The following SCAI variants were observed in gnomAD, a reference collection of about 807,000 sequenced individuals.
The protein encoded by SCAI is protein SCAI.
SCAI carries 24 observed loss-of-function variants against 92.2 expected under a neutral mutation model. The observed-to-expected ratio is 0.26, with a 90% CI of 0.19 to 0.37. The LOEUF is 0.37. SCAI is among the 10% of genes least tolerant of loss of function. SCAI has a pLI of 1.00. For synonymous variants in SCAI, 261 were observed against 258.6 expected (o/e 1.01, Z -0.09); for missense variants, 450 against 736.2 (o/e 0.61, Z 4.50).
chr9:125,136,456 CTT>C (rs1167871254), intron 2 of SCAI, among the ~76,000 whole-genome samples: 4 of 95,226 alleles, frequency 4.2e-5, no homozygotes, highest in African/African-American at 8.1e-5. Flanking sequence ...TAATACCTTT[CTT>C]TTTTTTTTTT....
At chr9:124,968,762 G>A in intron 17 of SCAI, 2 of 1,036,978 alleles carry the variant, frequency 1.9e-6, no homozygotes, top group East Asian at 2.4e-5. Context: ...GGTTCAAACT[G>A]GCATGGTGGG....
chr9:124,988,562 C>CTA (rs1419408954), intron 14 of SCAI, among the ~76,000 whole-genome samples: 4 of 151,704 alleles, frequency 2.6e-5, no homozygotes, highest in Non-Finnish European at 4.4e-5. Flanking sequence ...GCATCTATTT[C>CTA]TATATATATG....
intron 9 of SCAI, among the ~76,000 whole-genome samples, chr9:125,009,749 C>T (rs564616599): frequency 6.6e-6 from 1 of 151,520 alleles, no homozygotes; most frequent in Non-Finnish European, 1.5e-5. Flanking sequence ...ATTAGCTGGG[C>T]CACTGTGATG....
intron 2 of SCAI, among the ~76,000 whole-genome samples, chr9:125,096,884 G>A (rs536054514): frequency 6.6e-6 from 1 of 152,232 alleles, no homozygotes; most frequent in East Asian, 1.9e-4. Flanking sequence ...TTAAAGTATT[G>A]CATGGACCAC....
chr9:125,044,355 TA>T (rs755850679), intron 3 of SCAI, among the ~76,000 whole-genome samples: 1 of 152,154 alleles, frequency 6.6e-6, no homozygotes, highest in South Asian at 2.1e-4. Flanking sequence ...GCCAGACTCA[TA>T]CCCTCTGTGG....
chr9:125,037,293 C>T (rs1833217071), intron 3 of SCAI, among the ~76,000 whole-genome samples: 1 of 150,824 alleles, frequency 6.6e-6, no homozygotes, highest in Non-Finnish European at 1.5e-5. Context: ...AAAAATTAGC[C>T]AGGCCTGGTA....
intron 2 of SCAI, among the ~76,000 whole-genome samples, chr9:125,138,380 C>G (rs1484588736): frequency 6.6e-6 from 1 of 151,108 alleles, no homozygotes; most frequent in Admixed American, 6.6e-5. Context: ...CTCAGCCTCC[C>G]GAGTAGCTGG....
intron 15 of SCAI, among the ~76,000 whole-genome samples, chr9:124,974,012 T>C (rs1042547161): frequency 5.2e-4 from 79 of 152,332 alleles, no homozygotes; most frequent in Non-Finnish European, 5.4e-4. Context: ...TTCATTGTGC[T>C]GCTAGTCAGG....
At chr9:124,968,855 G>T in intron 17 of SCAI, 1 of 601,464 alleles carries the variant, frequency 1.7e-6, no homozygotes, top group Non-Finnish European at 3.0e-6. Flanking sequence ...GGGCCCAGGT[G>T]AGCAATGTTT....
chr9:125,065,379 C>T (rs913443779), intron 2 of SCAI, among the ~76,000 whole-genome samples: 13 of 152,008 alleles, frequency 8.6e-5, no homozygotes, highest in Admixed American at 2.6e-4. Flanking sequence ...TTTTGCTAAA[C>T]CTGATACACA....
Position 125,037,645 on chromosome 9 carries a change from T to C in SCAI, c.231-7906A>G, listed in dbSNP as rs188625181. 2.0e-3 allele frequency among the ~76,000 whole-genome samples: 303 copies of C among 152,288 alleles called. 1 individual carries two copies. The highest frequency in any genetic ancestry group is 7.0e-3 in the African/African-American group (290 of 41,562). ...AGAAGAATTTCTTGGCCGGGTACAG[T>C]GGCTCAAGCCTGTAATATCAGCACT... On this transcript the variant is annotated intron_variant, in intron 3 of 17. Coordinates refer to ENST00000336505, the MANE Select transcript of SCAI (RefSeq NM_001144877.3).
chr9:125,032,774 C>T (rs748464083), intron 3 of SCAI, among the ~76,000 whole-genome samples: 9 of 151,604 alleles, frequency 5.9e-5, no homozygotes, highest in Non-Finnish European at 1.2e-4. Context: ...TCACCACGCC[C>T]GGTTAATTTT....
rs139024556 is a variant in SCAI at position 125,033,872 on chromosome 9, G to A, written c.231-4133C>T. Among the ~76,000 whole-genome samples, 247 of 152,326 alleles carry A rather than the reference G, an allele frequency of 1.6e-3. 1 individual carries two copies. Among genetic ancestry groups the A allele is most frequent in the African/African-American group, 5.7e-3 (239 of 41,594 alleles). ...TAAAAAGAGAGGGAGGCAATCAGTA[G>A]ATGAGACATTTCAAGAAACTTCTGA... On this transcript the variant is annotated intron_variant, in intron 3 of 17. Coordinates refer to ENST00000336505, the MANE Select transcript of SCAI (RefSeq NM_001144877.3).
At position 124,952,964 on chromosome 9, in the gene SCAI, AAGAAG is replaced by A. The variant is rs761716108; in HGVS notation, c.1675-16_1675-12del. 3 of 1,612,464 alleles carry A rather than the reference AAGAAG, an allele frequency of 1.9e-6. No homozygotes were observed. Among genetic ancestry groups the A allele is most frequent in the East Asian group, 2.2e-5 (1 of 44,820 alleles). ...ATAATTTCGTGTTTCCTGGTAGGCA[AAGAAG>A]AGAAAAGTCAAGTTTTGTAGTCTAA... On this transcript the variant is annotated splice_polypyrimidine_tract_variant and intron_variant, in intron 17 of 17. Coordinates refer to ENST00000336505, the MANE Select transcript of SCAI (RefSeq NM_001144877.3).
intron 2 of SCAI, among the ~76,000 whole-genome samples, chr9:125,125,911 C>T (rs1380033160): frequency 8.6e-4 from 32 of 37,426 alleles, no homozygotes; most frequent in African/African-American, 2.4e-3. Context: ...CGTACACGTA[C>T]ACACACACAC....
chr9:124,968,426 G>C (rs1446293976), intron 17 of SCAI: 2 of 1,124,832 alleles, frequency 1.8e-6, no homozygotes, highest in Non-Finnish European at 1.4e-6. Context: ...TCTCAGTCCA[G>C]TCATAACGCT....
Position 125,020,727 on chromosome 9 carries a change from A to G in SCAI, c.555T>C (p.Phe185=). ...VVKKLRYYAR[F]IVVCLLLNKM... is the part of the protein sequence containing the mutation. Reference sequence around the variant, plus strand: ...TGTTGAGAAGAAGACAAACTACTATAAATCTTGCATAATATCGTAACTTCT... The same window carrying G: ...TGTTGAGAAGAAGACAAACTACTATGAATCTTGCATAATATCGTAACTTCT... The change falls in exon 7 of 18, where the codon TTT becomes TTC. Residue 185 remains phenylalanine, a synonymous_variant. Transcript: ENST00000336505. 6.5e-7 allele frequency: 1 copy of G among 1,536,762 alleles called. No individual in the cohort carries two copies. The highest frequency in any genetic ancestry group is 8.9e-7 in the Non-Finnish European group (1 of 1,126,358).
At chr9:124,954,705 G>A (rs1831287446) in intron 17 of SCAI, among the ~76,000 whole-genome samples, 1 of 152,096 alleles carries the variant, frequency 6.6e-6, no homozygotes, top group Non-Finnish European at 1.5e-5. Flanking sequence ...ACCAATTTTA[G>A]AGCATTTCGT....
chr9:125,108,472 C>T (rs1226277285), intron 2 of SCAI, among the ~76,000 whole-genome samples: 1 of 151,522 alleles, frequency 6.6e-6, no homozygotes, highest in East Asian at 1.9e-4. Flanking sequence ...TGGGGAGCGC[C>T]TCTGCCCCGC....
Sources: gnomAD v4.1 joint callset for allele counts (sites outside exome capture counted in the v4.1 genomes callset) on GRCh38, gnomAD v4.1.1 for gene constraint, MANE v1.5 for transcripts, NCBI Gene and HGNC (gene_info 2026-07-23, HGNC 2026-07-21) for gene names.